Variants in CREB3L2 observed in about 807,000 individuals in gnomAD.
The protein encoded by CREB3L2 is cyclic AMP-responsive element-binding protein 3-like protein 2.
A neutral mutation model predicts 57.2 loss-of-function variants in CREB3L2; 23 were observed. The observed-to-expected ratio is 0.40, with a 90% CI of 0.29 to 0.57. The LOEUF (loss-of-function observed/expected upper bound fraction) is 0.57. Ranked by LOEUF, CREB3L2 falls within the 20% of genes least tolerant of loss-of-function variation. The pLI is 0.42. For synonymous variants in CREB3L2, 268 were observed against 265.1 expected (o/e 1.01, Z -0.11); for missense variants, 628 against 634.7 (o/e 0.99, Z 0.11).
intron 1 of CREB3L2, among the ~76,000 whole-genome samples, chr7:137,995,599 CT>C (rs1190863022): frequency 6.6e-6 from 1 of 152,136 alleles, no homozygotes; most frequent in Non-Finnish European, 1.5e-5. Flanking sequence ...CCCCAAAGTG[CT>C]GGGATTACAG....
At chr7:137,939,489 A>G (rs1371731410) in intron 1 of CREB3L2, among the ~76,000 whole-genome samples, 1 of 152,250 alleles carries the variant, frequency 6.6e-6, no homozygotes, top group East Asian at 1.9e-4. Context: ...CTTTTAGAGC[A>G]GACAGAGCTG....
intron 1 of CREB3L2, among the ~76,000 whole-genome samples, chr7:137,967,297 G>A (rs1198650782): frequency 6.6e-6 from 1 of 152,212 alleles, no homozygotes; most frequent in Admixed American, 6.5e-5. Context: ...AGCAGACCAA[G>A]GCAAAAGGTG....
At chr7:137,922,404 A>ACG (rs1800320934) in intron 2 of CREB3L2, among the ~76,000 whole-genome samples, 1 of 21,446 alleles carries the variant, frequency 4.7e-5, no homozygotes, top group African/African-American at 1.7e-4. Context: ...ATATATATAT[A>ACG]TATATATATA....
chr7:137,916,556 AAAAAATTTTT>A (rs924965389), intron 2 of CREB3L2, among the ~76,000 whole-genome samples: 3 of 152,124 alleles, frequency 2.0e-5, no homozygotes, highest in African/African-American at 7.2e-5. Flanking sequence ...TCTCTACAAA[AAAAAATTTTT>A]AACTAGCTAG....
rs1259280061 is a variant in CREB3L2, at chr7:137,877,713, A to C, written c.*2763T>G. ...CAGACTCGTATTTCTCAAAACTTACATTCAGAAGACACTGTCTGCCACTAT... is the reference window on the plus strand; with the variant it reads ...CAGACTCGTATTTCTCAAAACTTACCTTCAGAAGACACTGTCTGCCACTAT... On this transcript the variant is annotated 3_prime_UTR_variant, in exon 12 of 12. Coordinates refer to ENST00000330387, the MANE Select transcript of CREB3L2 (RefSeq NM_194071.4). 4.4e-6 allele frequency: 1 copy of C among 227,808 alleles called. No individual in the cohort carries two copies. The highest frequency in any genetic ancestry group is 8.7e-6 in the Non-Finnish European group (1 of 114,858). 14.1% of individuals were successfully genotyped at this position (227,808 alleles called of 1,614,324 possible).
intron 2 of CREB3L2, among the ~76,000 whole-genome samples, chr7:137,917,679 GT>G (rs997799094): frequency 1.3e-5 from 2 of 152,146 alleles, no homozygotes; most frequent in African/African-American, 4.8e-5. Flanking sequence ...TTAAAATTAT[GT>G]TTCATAAGTG....
chr7:137,963,688 AT>A (rs1196651165), intron 1 of CREB3L2, among the ~76,000 whole-genome samples: 1 of 152,006 alleles, frequency 6.6e-6, no homozygotes, highest in African/African-American at 2.4e-5. Flanking sequence ...AGCTTACCTA[AT>A]TTTCCCCCAG....
At chr7:137,966,478 G>T (rs1183431360) in intron 1 of CREB3L2, among the ~76,000 whole-genome samples, 1 of 152,170 alleles carries the variant, frequency 6.6e-6, no homozygotes, top group Non-Finnish European at 1.5e-5. Flanking sequence ...TTTAAGAAGT[G>T]TATGTTGATC....
In CREB3L2 at chr7:137,891,676, A is replaced by G. The variant is rs569102210; in HGVS notation, c.1044-6174T>C. On this transcript the variant is annotated intron_variant, in intron 8 of 11. Transcript: ENST00000330387. Reference sequence around the variant, plus strand: ...CTGCAACCTCCGCCTCCCAGGTTCAAGCAATTCTCCTGTGTCAGCCTCCTG... The same window carrying G: ...CTGCAACCTCCGCCTCCCAGGTTCAGGCAATTCTCCTGTGTCAGCCTCCTG... Among the ~76,000 whole-genome samples the G allele has an allele frequency of 2.6e-5, 4 of 152,232 alleles. No individual in the cohort carries two copies. In the East Asian group the frequency reaches 7.7e-4, roughly 29 times the overall value.
intron 1 of CREB3L2, among the ~76,000 whole-genome samples, chr7:137,956,240 C>A (rs1386640948): frequency 6.6e-6 from 1 of 152,080 alleles, no homozygotes. Context: ...CCGAGTGAGA[C>A]GAATAAGCTA....
chr7:137,981,217 G>A (rs1228251559), intron 1 of CREB3L2, among the ~76,000 whole-genome samples: 2 of 152,168 alleles, frequency 1.3e-5, no homozygotes, highest in Non-Finnish European at 2.9e-5. Context: ...AAGAGAAGGA[G>A]AGAAAGGAGA....
At chr7:137,988,173 C>T (rs895979932) in intron 1 of CREB3L2, among the ~76,000 whole-genome samples, 1 of 152,234 alleles carries the variant, frequency 6.6e-6, no homozygotes, top group African/African-American at 2.4e-5. Context: ...CACACCTGTT[C>T]CTCATGTCCC....
intron 1 of CREB3L2, among the ~76,000 whole-genome samples, chr7:137,944,892 T>C (rs996563250): frequency 2.0e-5 from 3 of 152,162 alleles, no homozygotes; most frequent in Non-Finnish European, 4.4e-5. Flanking sequence ...TATTTTATTT[T>C]TTATTTTTTA....
At chr7:137,924,626 T>C (rs1026266187) in intron 2 of CREB3L2, among the ~76,000 whole-genome samples, 1 of 152,224 alleles carries the variant, frequency 6.6e-6, no homozygotes, top group African/African-American at 2.4e-5. Flanking sequence ...TGACATGTTT[T>C]TTTTCTTCTT....
intron 1 of CREB3L2, among the ~76,000 whole-genome samples, chr7:137,982,527 C>T (rs1005670205): frequency 4.6e-5 from 7 of 152,074 alleles, no homozygotes; most frequent in Admixed American, 3.3e-4. Context: ...TTTCCTGTAT[C>T]GTTCTCGTGA....
intron 1 of CREB3L2, among the ~76,000 whole-genome samples, chr7:137,954,978 C>G (rs941296166): frequency 1.6e-4 from 24 of 152,282 alleles, no homozygotes; most frequent in Non-Finnish European, 2.8e-4. Flanking sequence ...CCTGTAACTG[C>G]CAGAGTCTGG....
chr7:137,991,907 CA>C (rs5887864), intron 1 of CREB3L2, among the ~76,000 whole-genome samples: 97,401 of 136,584 alleles, frequency 0.71, 33,668 homozygotes, highest in East Asian at 0.87. Flanking sequence ...GACTCTGCCT[CA>C]AAAAAAAAAA....
chr7:137,907,209 G>T (rs1169714053), intron 5 of CREB3L2, among the ~76,000 whole-genome samples: 1 of 152,158 alleles, frequency 6.6e-6, no homozygotes, highest in Non-Finnish European at 1.5e-5. Context: ...AGCAGCGGAG[G>T]GTTGGATACC....
intron 8 of CREB3L2, among the ~76,000 whole-genome samples, chr7:137,886,208 T>TA (rs762687808): frequency 6.6e-6 from 1 of 152,142 alleles, no homozygotes; most frequent in Non-Finnish European, 1.5e-5. Flanking sequence ...AAATGTCGAT[T>TA]AAAAGAAGAA....
Sources: gnomAD v4.1 joint callset for allele counts (sites outside exome capture counted in the v4.1 genomes callset) on GRCh38, gnomAD v4.1.1 for gene constraint, MANE v1.5 for transcripts, NCBI Gene and HGNC (gene_info 2026-07-23, HGNC 2026-07-21) for gene names.